MARCHF1: variants seen among roughly 807,000 people sequenced by gnomAD.
The protein encoded by MARCHF1 is membrane associated ring-CH-type finger 1, also known as E3 ubiquitin-protein ligase MARCHF1.
Under a neutral mutation model 54.2 loss-of-function variants are expected in MARCHF1, and 40 were observed. That is an observed-to-expected ratio of 0.74 (90% CI 0.57 to 0.96). The LOEUF is 0.96. Ranked by LOEUF, MARCHF1 falls within the 40% of genes least tolerant of loss-of-function variation. The pLI, the probability that MARCHF1 is intolerant of heterozygous loss-of-function variation, is 0.00. For synonymous variants in MARCHF1, 236 were observed against 236.3 expected, an observed-to-expected ratio of 1.00 and a Z score of 0.01; for missense variants, 586 against 656.5, an observed-to-expected ratio of 0.89 and a Z score of 1.17.
chr4:164,178,148 T>C (rs1346342301), intron 1 of MARCHF1, among the ~76,000 whole-genome samples: 7 of 152,164 alleles, frequency 4.6e-5, no homozygotes, highest in African/African-American at 1.7e-4. Flanking sequence ...ATATCTAAAT[T>C]CAAATAACTT....
chr4:163,763,957 T>C (rs1746903607), intron 4 of MARCHF1, among the ~76,000 whole-genome samples: 1 of 152,084 alleles, frequency 6.6e-6, no homozygotes, highest in Admixed American at 6.6e-5. Context: ...TTTCCCATAT[T>C]TTTTGAGATT....
rs1014816253 is a variant in MARCHF1, at chr4:164,310,037, T to C, written c.-323+73833A>G. 3.9e-5 allele frequency among the ~76,000 whole-genome samples: 6 copies of C among 152,028 alleles called. No individual in the cohort carries two copies. The East Asian group carries it at 1.2e-3, about 29-fold the overall frequency. On this transcript the variant is annotated intron_variant, in intron 1 of 9. Coordinates refer to ENST00000514618, the MANE Select transcript of MARCHF1 (RefSeq NM_001394959.1). ...GGTACATAGAAAGTGTATATATTTA[T>C]GGGGTACATGAGATTTTTTAATTCT...
At chr4:164,006,181 A>C (rs1321692821) in intron 2 of MARCHF1, among the ~76,000 whole-genome samples, 1 of 152,208 alleles carries the variant, frequency 6.6e-6, no homozygotes, top group Non-Finnish European at 1.5e-5. Flanking sequence ...AGAATTCAAA[A>C]TAGCAGATTT....
At chr4:163,724,255 G>A (rs1213500641) in intron 4 of MARCHF1, among the ~76,000 whole-genome samples, 2 of 152,208 alleles carry the variant, frequency 1.3e-5, no homozygotes, top group South Asian at 2.1e-4. Context: ...ATCCTCAGAT[G>A]TTGGAGTTTG....
chr4:164,261,106 A>G (rs1733448907), intron 1 of MARCHF1, among the ~76,000 whole-genome samples: 1 of 152,216 alleles, frequency 6.6e-6, no homozygotes, highest in African/African-American at 2.4e-5. Context: ...GTCACAAGCC[A>G]AGGAACTACT....
chr4:163,554,678 G>T (rs927897429), intron 8 of MARCHF1, among the ~76,000 whole-genome samples: 9 of 152,144 alleles, frequency 5.9e-5, no homozygotes, highest in African/African-American at 1.9e-4. Context: ...TATAGAGTTT[G>T]CTGGAATTAT....
At chr4:164,162,262 A>G (rs1730257966) in intron 1 of MARCHF1, among the ~76,000 whole-genome samples, 1 of 151,550 alleles carries the variant, frequency 6.6e-6, no homozygotes, top group Non-Finnish European at 1.5e-5. Flanking sequence ...ACCAATCATT[A>G]CAACTATAGA....
intron 2 of MARCHF1, among the ~76,000 whole-genome samples, chr4:164,002,330 A>C (rs918554799): frequency 4.0e-5 from 6 of 151,750 alleles, no homozygotes; most frequent in Non-Finnish European, 3.0e-5. Flanking sequence ...TTATATTAAA[A>C]AATTAATTTA....
At chr4:164,209,060 A>T (rs1390930069) in intron 1 of MARCHF1, among the ~76,000 whole-genome samples, 1 of 150,972 alleles carries the variant, frequency 6.6e-6, no homozygotes, top group East Asian at 1.9e-4. Flanking sequence ...GTGTGTGTGT[A>T]TAAAATAAAA....
rs34613860 is a variant in MARCHF1, at chr4:164,312,319, C to CTTTTTT, written c.-323+71545_-323+71550dup. 8.3e-3 allele frequency among the ~76,000 whole-genome samples: 855 copies of CTTTTTT among 103,290 alleles called. 2 individuals are homozygous for CTTTTTT. The highest frequency in any genetic ancestry group is 9.5e-3 in the African/African-American group (258 of 27,234). The allele number at this position is 103,290 out of a possible 152,430, so 67.8% of individuals were successfully genotyped here. On this transcript the variant is annotated intron_variant, in intron 1 of 9. Transcript: ENST00000514618. ...AGCACCTGTGAATTATTTTCTTTTT[C>CTTTTTT]TTTTTTTTTTTTTTTTTTTTTGAGA...
intron 3 of MARCHF1, among the ~76,000 whole-genome samples, chr4:163,913,748 C>T (rs1751246374): frequency 6.6e-6 from 1 of 152,190 alleles, no homozygotes; most frequent in Non-Finnish European, 1.5e-5. Context: ...GCTTTCTGGA[C>T]ACTGGTACTC....
intron 2 of MARCHF1, among the ~76,000 whole-genome samples, chr4:164,066,269 A>T (rs1317514495): frequency 1.3e-5 from 2 of 152,226 alleles, no homozygotes; most frequent in African/African-American, 4.8e-5. Flanking sequence ...CACACAAAAA[A>T]ATTCAACATC....
intron 1 of MARCHF1, among the ~76,000 whole-genome samples, chr4:164,193,342 T>C (rs1044809679): frequency 2.0e-5 from 3 of 151,996 alleles, no homozygotes; most frequent in African/African-American, 7.2e-5. Flanking sequence ...TCATTAAAGA[T>C]ACCCTATATC....
chr4:164,188,451 A>G, intron 1 of MARCHF1: 1 of 634,230 alleles, frequency 1.6e-6, no homozygotes, highest in Non-Finnish European at 2.9e-6. Flanking sequence ...GACAAGGAGG[A>G]GGACGTGGGC....
At chr4:163,587,997 A>C (rs977593817) in intron 7 of MARCHF1, among the ~76,000 whole-genome samples, 1 of 152,190 alleles carries the variant, frequency 6.6e-6, no homozygotes, top group Non-Finnish European at 1.5e-5. Context: ...GCAGAAAGAT[A>C]CAGGAACTGA....
At chr4:164,309,323 T>C (rs1734785289) in intron 1 of MARCHF1, among the ~76,000 whole-genome samples, 8 of 152,044 alleles carry the variant, frequency 5.3e-5, no homozygotes, top group Admixed American at 5.2e-4. Flanking sequence ...TTTCTGCTTT[T>C]GTCTGCATGT....
At chr4:163,557,021 A>T (rs1374801115) in intron 8 of MARCHF1, among the ~76,000 whole-genome samples, 1 of 152,094 alleles carries the variant, frequency 6.6e-6, no homozygotes, top group Non-Finnish European at 1.5e-5. Flanking sequence ...AATCGGAGAC[A>T]TTTTCCAAGT....
At chr4:163,758,832 T>C (rs941446845) in intron 4 of MARCHF1, among the ~76,000 whole-genome samples, 1 of 152,228 alleles carries the variant, frequency 6.6e-6, no homozygotes, top group Non-Finnish European at 1.5e-5. Context: ...GTTTTTTTCT[T>C]TGATATTGAA....
chr4:164,259,138 A>C (rs1733376827), intron 1 of MARCHF1, among the ~76,000 whole-genome samples: 2 of 152,060 alleles, frequency 1.3e-5, no homozygotes, highest in East Asian at 1.9e-4. Flanking sequence ...AATTCACTGA[A>C]CCTCATTTTC....
Sources: gnomAD v4.1 joint callset for allele counts (sites outside exome capture counted in the v4.1 genomes callset) on GRCh38, gnomAD v4.1.1 for gene constraint, MANE v1.5 for transcripts, NCBI Gene and HGNC (gene_info 2026-07-23, HGNC 2026-07-21) for gene names.